The following ROBO1 variants were observed in gnomAD, a reference collection of about 807,000 sequenced individuals.
ROBO1 encodes the protein roundabout homolog 1.
ROBO1 carries 149 observed loss-of-function variants against 195.9 expected under a neutral mutation model. That is an observed-to-expected ratio of 0.76 (90% CI 0.67 to 0.87). The LOEUF (loss-of-function observed/expected upper bound fraction) is 0.87. ROBO1 is among the 40% of genes least tolerant of loss of function. The probability of loss-of-function intolerance (pLI) is 0.00; values close to 1 mark genes in which losing one functional copy is unlikely to be tolerated. For missense variants in ROBO1, 1,933 were observed against 2,068.3 expected (o/e 0.93, Z 1.27); for synonymous variants, 816 against 733.2 (o/e 1.11, Z -1.82).
intron 3 of ROBO1, among the ~76,000 whole-genome samples, chr3:78,986,205 G>C (rs1003626346): frequency 3.3e-5 from 5 of 151,814 alleles, no homozygotes; most frequent in African/African-American, 1.2e-4. Context: ...AAAACGAAAG[G>C]GCTCTAGAAA....
In ROBO1 at chr3:79,154,084, T is replaced by C. The variant is rs151140113; in HGVS notation, c.89-28545A>G. 2.4e-4 allele frequency among the ~76,000 whole-genome samples: 36 copies of C among 151,890 alleles called. No homozygotes were observed. In the East Asian group the frequency reaches 7.0e-3, roughly 30 times the overall value. ...CAATTTCTTTCTCTACTTCCCTCAT[T>C]AAAATTTAAGGACAGTGAGATAGAC... On this transcript the variant is annotated intron_variant, in intron 2 of 30. Transcript: ENST00000464233.
At chr3:79,172,064 GACTT>G (rs1372284564) in intron 2 of ROBO1, among the ~76,000 whole-genome samples, 1 of 152,022 alleles carries the variant, frequency 6.6e-6, no homozygotes, top group African/African-American at 2.4e-5. Flanking sequence ...CCAAAAGGGA[GACTT>G]CAACAATAAC....
Position 79,154,157 on chromosome 3 carries a change from T to G in ROBO1, c.89-28618A>C, listed in dbSNP as rs114907395. Among the ~76,000 whole-genome samples, 574 of 151,868 alleles carry G rather than the reference T, an allele frequency of 3.8e-3. 2 individuals are homozygous for G. Among genetic ancestry groups the G allele is most frequent in the African/African-American group, 0.013 (542 of 41,488 alleles). On this transcript the variant is annotated intron_variant, in intron 2 of 30. Coordinates refer to ENST00000464233, the MANE Select transcript of ROBO1 (RefSeq NM_002941.4). ...GCATCTAAAACCTGCCCATACATAA[T>G]GGGTTCAGAGTAAACATTTGTTGAG...
chr3:78,748,836 C>A (rs1354338333), intron 4 of ROBO1, among the ~76,000 whole-genome samples: 4 of 152,098 alleles, frequency 2.6e-5, no homozygotes, highest in Admixed American at 2.0e-4. Flanking sequence ...GACCTTCTTT[C>A]TTATCTTTGG....
At position 78,906,744 on chromosome 3, in the gene ROBO1, GA is replaced by G. The variant is rs542972775; in HGVS notation, c.499+31856del. Reference sequence around the variant, plus strand: ...AATTATATTGATATTTAGCCTGTTTGAAATTAAAATGTAGAAAAATGTAAAT... The same window carrying G: ...AATTATATTGATATTTAGCCTGTTTGAATTAAAATGTAGAAAAATGTAAAT... On this transcript the variant is annotated intron_variant, in intron 4 of 30. Transcript: ENST00000464233. 2.7e-4 allele frequency among the ~76,000 whole-genome samples: 41 copies of G among 151,962 alleles called. No homozygotes were observed. The South Asian group carries it at 6.9e-3, about 25-fold the overall frequency.
intron 4 of ROBO1, among the ~76,000 whole-genome samples, chr3:78,822,103 C>T (rs1222277017): frequency 6.6e-6 from 1 of 151,664 alleles, no homozygotes; most frequent in Non-Finnish European, 1.5e-5. Flanking sequence ...TACACACACA[C>T]ACACACACAC....
chr3:79,435,308 G>A (rs946031059), intron 2 of ROBO1, among the ~76,000 whole-genome samples: 1 of 152,094 alleles, frequency 6.6e-6, no homozygotes. Flanking sequence ...CTGGTCTTGC[G>A]CTACTGGCTT....
chr3:79,720,724 C>T (rs1702658512), intron 1 of ROBO1, among the ~76,000 whole-genome samples: 1 of 151,330 alleles, frequency 6.6e-6, no homozygotes, highest in Non-Finnish European at 1.5e-5. Context: ...ATGGATTCTA[C>T]TAAAGTCACA....
intron 1 of ROBO1, among the ~76,000 whole-genome samples, chr3:79,713,328 G>T (rs1702347755): frequency 6.6e-6 from 1 of 152,006 alleles, no homozygotes. Context: ...CATAGATAGT[G>T]GTTCCTCTGA....
chr3:79,152,224 C>G (rs148263755), intron 2 of ROBO1, among the ~76,000 whole-genome samples: 33 of 151,916 alleles, frequency 2.2e-4, no homozygotes, highest in Non-Finnish European at 3.1e-4. Flanking sequence ...TACCTTGAAA[C>G]AGAAATAGTA....
At chr3:79,309,351 T>G (rs979980393) in intron 2 of ROBO1, among the ~76,000 whole-genome samples, 1 of 152,138 alleles carries the variant, frequency 6.6e-6, no homozygotes, top group Non-Finnish European at 1.5e-5. Flanking sequence ...GGCAGAAGGC[T>G]TGAGCTCAGA....
intron 3 of ROBO1, among the ~76,000 whole-genome samples, chr3:78,941,633 T>C (rs2040150035): frequency 6.6e-6 from 1 of 151,932 alleles, no homozygotes; most frequent in Non-Finnish European, 1.5e-5. Context: ...CACATTACGT[T>C]TGAGATAAGC....
intron 2 of ROBO1, among the ~76,000 whole-genome samples, chr3:79,474,951 GTAACGCTA>G (rs1182959583): frequency 6.6e-6 from 1 of 151,910 alleles, no homozygotes; most frequent in Admixed American, 6.6e-5. Context: ...TTTGGAAAAG[GTAACGCTA>G]TCTAGGAAAA....
At chr3:79,214,949 C>A (rs2082029689) in intron 2 of ROBO1, among the ~76,000 whole-genome samples, 1 of 151,686 alleles carries the variant, frequency 6.6e-6, no homozygotes, top group African/African-American at 2.4e-5. Flanking sequence ...GTTCAACCAA[C>A]ATGGTGATAT....
chr3:78,810,383 G>A (rs960664253), intron 4 of ROBO1, among the ~76,000 whole-genome samples: 1 of 151,896 alleles, frequency 6.6e-6, no homozygotes, highest in Non-Finnish European at 1.5e-5. Context: ...CCAATTTGCT[G>A]TATGCATGGG....
chr3:79,532,557 A>T (rs1941701846), intron 2 of ROBO1, among the ~76,000 whole-genome samples: 1 of 152,208 alleles, frequency 6.6e-6, no homozygotes, highest in African/African-American at 2.4e-5. Flanking sequence ...AGAATTTCTC[A>T]AACTATAGAA....
At chr3:78,883,738 T>C (rs767322566) in intron 4 of ROBO1, among the ~76,000 whole-genome samples, 21 of 152,292 alleles carry the variant, frequency 1.4e-4, no homozygotes, top group Non-Finnish European at 2.4e-4. Flanking sequence ...AAATATAGTA[T>C]AGTTTTTGTG....
In ROBO1 at chr3:78,606,835, C is replaced by G. The variant is rs1161366602; in HGVS notation, c.4642G>C (p.Gly1548Arg). The change falls in exon 29 of 31, where the codon GGT (glycine) becomes CGT (arginine). Residue 1548 changes from glycine (G) to arginine (R), a missense_variant. Gly to Arg is a moderately radical substitution (Grantham distance 125). Coordinates refer to ENST00000464233, the MANE Select transcript of ROBO1 (RefSeq NM_002941.4). ...RQVVDMRTNP[G>R]DPREAQEQQN... ...TGTTCCTGTGCTTCTCTGGGATCAC[C>G]TGGATTTGTTCGCATGTCAACAACC... The G allele has an allele frequency of 6.2e-7, 1 of 1,613,840 alleles. No individual in the cohort carries two copies.
chr3:78,885,975 T>G (rs962009554), intron 4 of ROBO1, among the ~76,000 whole-genome samples: 10 of 144,566 alleles, frequency 6.9e-5, no homozygotes, highest in Non-Finnish European at 1.4e-4. Flanking sequence ...AATTAAAGAT[T>G]CATTTGAAGA....
Sources: gnomAD v4.1 joint callset for allele counts (sites outside exome capture counted in the v4.1 genomes callset) on GRCh38, gnomAD v4.1.1 for gene constraint, MANE v1.5 for transcripts, NCBI Gene and HGNC (gene_info 2026-07-23, HGNC 2026-07-21) for gene names.